The following TENM3 variants were observed in gnomAD, a reference collection of about 807,000 sequenced individuals.
The protein encoded by TENM3 is teneurin-3.
A neutral mutation model predicts 255.1 loss-of-function variants in TENM3; 63 were observed. That is an observed-to-expected ratio of 0.25 (90% CI 0.20 to 0.30). The LOEUF (loss-of-function observed/expected upper bound fraction) is 0.30. Ranked by LOEUF, TENM3 falls within the 10% of genes least tolerant of loss-of-function variation. The probability of loss-of-function intolerance (pLI) is 1.00; values close to 1 mark genes in which losing one functional copy is unlikely to be tolerated. For missense variants in TENM3, 2,929 were observed against 3,461.1 expected, an observed-to-expected ratio of 0.85 and a Z score of 3.86; for synonymous variants, 1,306 against 1,322.3, an observed-to-expected ratio of 0.99 and a Z score of 0.27.
the TENM3 span, among the ~76,000 whole-genome samples, chr4:181,815,793 C>A: frequency 6.6e-6 from 1 of 152,110 alleles, no homozygotes; most frequent in African/African-American, 2.4e-5. Context: ...CTCATTAGAG[C>A]ATTTTTGAAT....
At chr4:181,748,628 T>A in the TENM3 span, among the ~76,000 whole-genome samples, 119 of 152,214 alleles carry the variant, frequency 7.8e-4, no homozygotes, top group African/African-American at 2.7e-3. Context: ...CAGAGGTAGA[T>A]GTTCCTGAAA....
the TENM3 span, among the ~76,000 whole-genome samples, chr4:181,955,539 G>A: frequency 6.6e-6 from 1 of 152,174 alleles, no homozygotes; most frequent in Admixed American, 6.5e-5. Flanking sequence ...TACTAGAGGT[G>A]CAGCAAATCA....
the TENM3 span, among the ~76,000 whole-genome samples, chr4:181,827,656 GTGAGAC>G: frequency 6.6e-6 from 1 of 152,234 alleles, no homozygotes; most frequent in South Asian, 2.1e-4. Flanking sequence ...TGGTTCTTCG[GTGAGAC>G]TGAGTGGGTG....
At chr4:181,843,094 G>A in the TENM3 span, among the ~76,000 whole-genome samples, 9,321 of 152,062 alleles carry the variant, frequency 0.061, 632 homozygotes, top group East Asian at 0.19. Flanking sequence ...CTTCAGTAAC[G>A]CAATTTATTT....
chr4:182,597,648 T>C (rs561034601), intron 3 of TENM3, among the ~76,000 whole-genome samples: 1 of 152,318 alleles, frequency 6.6e-6, no homozygotes, highest in Admixed American at 6.5e-5. Flanking sequence ...TAACCTTAAA[T>C]CTGGCTTTAT....
chr4:182,526,591 T>C (rs1271988767), intron 3 of TENM3, among the ~76,000 whole-genome samples: 1 of 152,178 alleles, frequency 6.6e-6, no homozygotes, highest in Non-Finnish European at 1.5e-5. Context: ...GTTTAGTGTC[T>C]GCAACCCTCA....
chr4:182,727,734 T>A (rs1760335460), intron 13 of TENM3, among the ~76,000 whole-genome samples: 1 of 152,220 alleles, frequency 6.6e-6, no homozygotes, highest in Admixed American at 6.5e-5. Context: ...ATATTATGGC[T>A]GATTTACATT....
At chr4:181,855,893 G>A in the TENM3 span, among the ~76,000 whole-genome samples, 1 of 149,544 alleles carries the variant, frequency 6.7e-6, no homozygotes, top group East Asian at 2.0e-4. Flanking sequence ...AAGGAGGTAG[G>A]AAGGAAGAAG....
At chr4:182,111,052 G>A in the TENM3 span, among the ~76,000 whole-genome samples, 1 of 152,054 alleles carries the variant, frequency 6.6e-6, no homozygotes, top group Non-Finnish European at 1.5e-5. Flanking sequence ...TTTAAAATCC[G>A]AAGTAAAGCA....
intron 13 of TENM3, among the ~76,000 whole-genome samples, chr4:182,717,607 A>G (rs981349097): frequency 1.3e-5 from 2 of 152,208 alleles, no homozygotes; most frequent in Non-Finnish European, 2.9e-5. Flanking sequence ...GCAATGGATT[A>G]CTAGATTCTT....
chr4:182,080,072 C>T, the TENM3 span, among the ~76,000 whole-genome samples: 1 of 152,146 alleles, frequency 6.6e-6, no homozygotes, highest in Non-Finnish European at 1.5e-5. Flanking sequence ...TGCAGAGATA[C>T]TGAAGAAGGA....
chr4:182,754,668 CAGATGG>C lies in TENM3; in HGVS notation c.4305_4310del (p.Asp1435_Gly1436del). The C allele has an allele frequency of 1.9e-6, 3 of 1,614,032 alleles. No individual in the cohort carries two copies. In the South Asian group the frequency reaches 3.3e-5, roughly 18 times the overall value. On this transcript the variant is annotated inframe_deletion, in exon 22 of 28. Transcript: ENST00000511685. This position sits in a 1 kb window ranked among gnomAD's most constrained non-coding sequence, Gnocchi z 5.1. Reference sequence around the variant, plus strand: ...ATTAACCGGATAAGGCAGGTCACAACAGATGGAGAAATCTCCTTAGTGGCCGGAATA... The same window carrying C: ...ATTAACCGGATAAGGCAGGTCACAACAGAAATCTCCTTAGTGGCCGGAATA...
intron 1 of TENM3, among the ~76,000 whole-genome samples, chr4:182,287,025 A>G (rs112768197): frequency 0.046 from 7,054 of 152,202 alleles, 532 homozygotes; most frequent in African/African-American, 0.16. Context: ...CCAGGAGTTC[A>G]AGACCAGCCT....
the TENM3 span, among the ~76,000 whole-genome samples, chr4:181,560,330 C>T: frequency 2.0e-5 from 3 of 152,206 alleles, no homozygotes; most frequent in African/African-American, 4.8e-5. Context: ...AACACCATCA[C>T]GTTGTGAGGT....
the TENM3 span, among the ~76,000 whole-genome samples, chr4:181,540,823 C>T: frequency 2.4e-3 from 355 of 149,586 alleles, 1 homozygote; most frequent in African/African-American, 8.8e-3. Flanking sequence ...ATCATGGGAT[C>T]CTGGGACAGA....
chr4:182,135,070 G>A, the TENM3 span, among the ~76,000 whole-genome samples: 1 of 151,806 alleles, frequency 6.6e-6, no homozygotes, highest in Non-Finnish European at 1.5e-5. Flanking sequence ...GCTGGATGTG[G>A]TGATGCGCGC....
intron 1 of TENM3, among the ~76,000 whole-genome samples, chr4:182,177,357 C>T (rs1009188156): frequency 3.9e-5 from 6 of 151,976 alleles, no homozygotes; most frequent in Admixed American, 6.6e-5. Flanking sequence ...TTCTTCTGCC[C>T]GGCTGCATTG....
At chr4:182,034,495 C>A in the TENM3 span, among the ~76,000 whole-genome samples, 1 of 152,098 alleles carries the variant, frequency 6.6e-6, no homozygotes, top group African/African-American at 2.4e-5. Flanking sequence ...GGTCTGTGTA[C>A]TTCAGTGTAT....
At chr4:182,794,030 T>C (rs1032094332) in intron 26 of TENM3, 145 bp downstream of exon 26, 4 of 728,324 alleles carry the variant, frequency 5.5e-6, no homozygotes, top group Non-Finnish European at 8.8e-6. Flanking sequence ...GTTTATTTCT[T>C]TATGGAACCA....
Sources: allele counts gnomAD v4.1 joint callset (sites outside exome capture counted in the v4.1 genomes callset), GRCh38; gene constraint gnomAD v4.1.1; non-coding constraint Gnocchi (gnomAD v3.1); transcripts MANE v1.5; gene names NCBI Gene and HGNC (gene_info 2026-07-23, HGNC 2026-07-21).